GALNT18: variants seen among roughly 807,000 people sequenced by gnomAD.
GALNT18 encodes polypeptide N-acetylgalactosaminyltransferase 18.
Under a neutral mutation model 69.5 loss-of-function variants are expected in GALNT18, and 44 were observed. That is an observed-to-expected ratio of 0.63 (90% CI 0.50 to 0.81). The LOEUF is 0.81. Ranked by LOEUF, GALNT18 falls within the 40% of genes least tolerant of loss-of-function variation. The probability of loss-of-function intolerance (pLI) is 0.00; values close to 1 mark genes in which losing one functional copy is unlikely to be tolerated. For synonymous variants in GALNT18, 364 were observed against 318.2 expected (o/e 1.14, Z -1.53); for missense variants, 715 against 810.0 (o/e 0.88, Z 1.42).
At chr11:11,517,081 T>C (rs1461861867) in intron 1 of GALNT18, among the ~76,000 whole-genome samples, 1 of 152,210 alleles carries the variant, frequency 6.6e-6, no homozygotes, top group Non-Finnish European at 1.5e-5. Context: ...GGTGAGAAGA[T>C]GGCTGTCTAT....
chr11:11,276,445 T>G (rs1223882389), intron 10 of GALNT18, among the ~76,000 whole-genome samples: 1 of 152,202 alleles, frequency 6.6e-6, no homozygotes, highest in Non-Finnish European at 1.5e-5. Flanking sequence ...CAATGGGGTT[T>G]TCTAAATATA....
intron 3 of GALNT18, among the ~76,000 whole-genome samples, chr11:11,397,114 G>T (rs1000524338): frequency 4.6e-5 from 7 of 152,104 alleles, no homozygotes; most frequent in Non-Finnish European, 1.0e-4. Flanking sequence ...GACCACCCAT[G>T]GTTCTCCTAG....
At chr11:11,572,856 C>T (rs1334634281) in intron 1 of GALNT18, among the ~76,000 whole-genome samples, 1 of 152,166 alleles carries the variant, frequency 6.6e-6, no homozygotes, top group Non-Finnish European at 1.5e-5. Flanking sequence ...TTTTGAATTG[C>T]CAAGGCTGGA....
In GALNT18 at chr11:11,555,497, C is replaced by T. The variant is rs1858312451; in HGVS notation, c.235+65862G>A. On this transcript the variant is annotated intron_variant, in intron 1 of 10. Coordinates refer to ENST00000227756, the MANE Select transcript of GALNT18 (RefSeq NM_198516.3). The surrounding 1 kb of genome is among the most constrained non-coding windows in gnomAD (Gnocchi z 4.7). Reference sequence around the variant, plus strand: ...CGTGAGTCTCCTGTGACAAAGCTCTCCTGGGCCCTGGCTACTGACTTTAAC... The same window carrying T: ...CGTGAGTCTCCTGTGACAAAGCTCTTCTGGGCCCTGGCTACTGACTTTAAC... Among the ~76,000 whole-genome samples, 1 of 152,206 alleles carries T rather than the reference C, an allele frequency of 6.6e-6. No individual in the cohort carries two copies. The highest frequency in any genetic ancestry group is 2.1e-4 in the South Asian group (1 of 4,830).
chr11:11,610,505 T>A (rs914831800), intron 1 of GALNT18, among the ~76,000 whole-genome samples: 2 of 152,240 alleles, frequency 1.3e-5, no homozygotes, highest in African/African-American at 4.8e-5. Context: ...CTTCTCCAGA[T>A]GAATTCAGAC....
intron 9 of GALNT18, among the ~76,000 whole-genome samples, chr11:11,298,870 A>T (rs368186963): frequency 1.3e-5 from 2 of 152,220 alleles, no homozygotes; most frequent in African/African-American, 4.8e-5. Flanking sequence ...GACGTTGCAG[A>T]TGAGTAGGCC....
At chr11:11,531,836 T>G (rs1466073502) in intron 1 of GALNT18, among the ~76,000 whole-genome samples, 3 of 152,210 alleles carry the variant, frequency 2.0e-5, no homozygotes, top group African/African-American at 7.2e-5. Context: ...TTGTGATCCT[T>G]TCAGGTAAAC....
chr11:11,346,461 C>T (rs1225648306), intron 6 of GALNT18, among the ~76,000 whole-genome samples: 1 of 152,188 alleles, frequency 6.6e-6, no homozygotes, highest in Non-Finnish European at 1.5e-5. Flanking sequence ...TCTTCAAACT[C>T]AAGTGGTTTT....
In GALNT18 at chr11:11,587,502, G is replaced by A. The variant is rs1385715958; in HGVS notation, c.235+33857C>T. Among the ~76,000 whole-genome samples, 2 of 152,208 alleles carry A rather than the reference G, an allele frequency of 1.3e-5. No individual in the cohort carries two copies. The highest frequency in any genetic ancestry group is 2.9e-5 in the Non-Finnish European group (2 of 68,040). On this transcript the variant is annotated intron_variant, in intron 1 of 10. Coordinates refer to ENST00000227756, the MANE Select transcript of GALNT18 (RefSeq NM_198516.3). This position sits in a 1 kb window ranked among gnomAD's most constrained non-coding sequence, Gnocchi z 4.4. ...GCATATCCAAAGCCTCGATCTAGGA[G>A]GAAGCACTCTGGAGCTCAGCCTAGG...
chr11:11,428,424 T>C (rs1855185277), intron 3 of GALNT18, among the ~76,000 whole-genome samples: 1 of 152,354 alleles, frequency 6.6e-6, no homozygotes, highest in East Asian at 1.9e-4. Flanking sequence ...CCACCATGTC[T>C]GGCCTCCGCT....
In GALNT18 at chr11:11,347,621, T is replaced by C. The variant is rs1371793867; in HGVS notation, c.1093-6617A>G. ...GCAGCTTTCATCTTCTTATGACTTT[T>C]AATGAGCTCTTTGCTCTTGGCAAAC... On this transcript the variant is annotated intron_variant, in intron 6 of 10. Transcript: ENST00000227756. This position sits in a 1 kb window ranked among gnomAD's most constrained non-coding sequence, Gnocchi z 4.0. Among the ~76,000 whole-genome samples, 1 of 152,214 alleles carries C rather than the reference T, an allele frequency of 6.6e-6. No homozygotes were observed. Among genetic ancestry groups the C allele is most frequent in the East Asian group, 1.9e-4 (1 of 5,186 alleles).
chr11:11,611,468 A>C (rs951531719), intron 1 of GALNT18, among the ~76,000 whole-genome samples: 1 of 152,168 alleles, frequency 6.6e-6, no homozygotes, highest in African/African-American at 2.4e-5. Context: ...CAGAGAGCAA[A>C]GACCGGATGC....
rs1449368168 is a variant in GALNT18, at chr11:11,538,243, G to T, written c.235+83116C>A. Among the ~76,000 whole-genome samples the T allele has an allele frequency of 6.6e-6, 1 of 152,158 alleles. No individual in the cohort carries two copies. The highest frequency in any genetic ancestry group is 1.5e-5 in the Non-Finnish European group (1 of 68,024). ...TGACCTTTCTGGTTCTGAGCTCAAG[G>T]TCAGTGTTGCGAACAGCCCGCCCTG... On this transcript the variant is annotated intron_variant, in intron 1 of 10. Coordinates refer to ENST00000227756, the MANE Select transcript of GALNT18 (RefSeq NM_198516.3). The surrounding 1 kb of genome is among the most constrained non-coding windows in gnomAD (Gnocchi z 5.2).
intron 10 of GALNT18, among the ~76,000 whole-genome samples, chr11:11,273,360 G>GA (rs1848867008): frequency 7.7e-6 from 1 of 129,572 alleles, no homozygotes; most frequent in African/African-American, 2.5e-5. Context: ...TAGCAAGAAG[G>GA]CAAAAAATCC....
At chr11:11,358,346 T>TA (rs1158788831) in intron 6 of GALNT18, among the ~76,000 whole-genome samples, 1 of 139,298 alleles carries the variant, frequency 7.2e-6, no homozygotes, top group Non-Finnish European at 1.6e-5. Flanking sequence ...CTGTTATTTC[T>TA]AATGCCAAAC....
chr11:11,596,091 T>C lies in GALNT18; in HGVS notation c.235+25268A>G, dbSNP rs1859494769. 6.6e-6 allele frequency among the ~76,000 whole-genome samples: 1 copy of C among 152,196 alleles called. No individual in the cohort carries two copies. Among genetic ancestry groups the C allele is most frequent in the Non-Finnish European group, 1.5e-5 (1 of 68,028 alleles). Reference sequence around the variant, plus strand: ...AGAGTGAGATGGGGGACAACTTTATTCTTAACATGTAGATATCCAGTTGTT... The same window carrying C: ...AGAGTGAGATGGGGGACAACTTTATCCTTAACATGTAGATATCCAGTTGTT... On this transcript the variant is annotated intron_variant, in intron 1 of 10. Transcript: ENST00000227756. The surrounding 1 kb of genome is among the most constrained non-coding windows in gnomAD (Gnocchi z 4.2).
chr11:11,351,243 C>T (rs755533750), intron 6 of GALNT18, among the ~76,000 whole-genome samples: 3 of 152,164 alleles, frequency 2.0e-5, no homozygotes, highest in Non-Finnish European at 2.9e-5. Flanking sequence ...TCCTGCACAT[C>T]GGGCTGCTGT....
intron 1 of GALNT18, among the ~76,000 whole-genome samples, chr11:11,608,286 C>T (rs1694571939): frequency 6.6e-6 from 1 of 152,152 alleles, no homozygotes; most frequent in Non-Finnish European, 1.5e-5. Context: ...TGAAGGAAGA[C>T]TGAAAAAGGG....
At chr11:11,274,175 G>T (rs962403785) in intron 10 of GALNT18, among the ~76,000 whole-genome samples, 43 of 152,190 alleles carry the variant, frequency 2.8e-4, no homozygotes, top group African/African-American at 9.4e-4. Context: ...CTTTTCCCAC[G>T]GTCTTTGCAA....
Sources: allele counts gnomAD v4.1 joint callset (sites outside exome capture counted in the v4.1 genomes callset), GRCh38; gene constraint gnomAD v4.1.1; non-coding constraint Gnocchi (gnomAD v3.1); transcripts MANE v1.5; gene names NCBI Gene and HGNC (gene_info 2026-07-23, HGNC 2026-07-21).